GLIS3: variants seen among roughly 807,000 people sequenced by gnomAD.
GLIS3 encodes zinc finger protein GLIS3.
In GLIS3, 53 loss-of-function variants were observed where a neutral mutation model predicts 78.6. That is an observed-to-expected ratio of 0.67 (90% CI 0.54 to 0.85). GLIS3 has a LOEUF of 0.85. Among genes scored for constraint, GLIS3 ranks in the 40% least tolerant of loss-of-function variants. The probability of loss-of-function intolerance (pLI) is 0.00; values close to 1 mark genes in which losing one functional copy is unlikely to be tolerated. For synonymous variants in GLIS3, 684 were observed against 509.9 expected, an observed-to-expected ratio of 1.34 and a Z score of -4.60; for missense variants, 1,703 against 1,231.1, an observed-to-expected ratio of 1.38 and a Z score of -5.74.
At chr9:3,878,185 T>C (rs1023870047) in intron 8 of GLIS3, among the ~76,000 whole-genome samples, 2 of 152,060 alleles carry the variant, frequency 1.3e-5, no homozygotes, top group African/African-American at 4.8e-5. Flanking sequence ...TCACTGTGTC[T>C]TTCTTTCCCT....
the GLIS3 span, among the ~76,000 whole-genome samples, chr9:4,475,299 A>G: frequency 2.0e-5 from 3 of 152,238 alleles, no homozygotes; most frequent in Non-Finnish European, 2.9e-5. Flanking sequence ...GAGGCTGAAC[A>G]GATGCTTCAC....
At chr9:4,256,240 A>G (rs1824927188) in intron 2 of GLIS3, among the ~76,000 whole-genome samples, 1 of 152,198 alleles carries the variant, frequency 6.6e-6, no homozygotes, top group South Asian at 2.1e-4. Flanking sequence ...TTGGGGGAAC[A>G]CTGTGCAAAA....
In GLIS3 at chr9:4,125,960, G is replaced by A. The variant is rs367913023; in HGVS notation, c.389-19C>T. The A allele has an allele frequency of 3.8e-4, 602 of 1,596,542 alleles. 2 individuals carry two copies. Among genetic ancestry groups the A allele is most frequent in the Non-Finnish European group, 8.5e-5 (99 of 1,164,444 alleles). On this transcript the variant is annotated intron_variant, in intron 2 of 10. Coordinates refer to ENST00000381971, the MANE Select transcript of GLIS3 (RefSeq NM_001042413.2). ...AGAGCCCCTAAAAACAAATGAATCA[G>A]GTTAGCTTTCATGTCCCTTACATCA...
chr9:4,214,764 T>C (rs1006369852), intron 2 of GLIS3, among the ~76,000 whole-genome samples: 1 of 152,244 alleles, frequency 6.6e-6, no homozygotes, highest in African/African-American at 2.4e-5. Flanking sequence ...CTACTGTGGC[T>C]TGTTACACCA....
chr9:3,841,493 C>A (rs907696934), intron 9 of GLIS3, among the ~76,000 whole-genome samples: 1 of 152,142 alleles, frequency 6.6e-6, no homozygotes. Context: ...GAATCCTCAA[C>A]GTGGGAAGGA....
At chr9:4,070,188 G>A (rs761177140) in intron 4 of GLIS3, among the ~76,000 whole-genome samples, 1 of 152,114 alleles carries the variant, frequency 6.6e-6, no homozygotes, top group Non-Finnish European at 1.5e-5. Flanking sequence ...TTATAGAATA[G>A]TATTTCCGAT....
At chr9:4,284,438 T>C (rs1827809603) in intron 2 of GLIS3, among the ~76,000 whole-genome samples, 1 of 152,116 alleles carries the variant, frequency 6.6e-6, no homozygotes, top group Non-Finnish European at 1.5e-5. Context: ...AACACCTAAA[T>C]TTAACAGGAG....
At chr9:4,145,235 G>C (rs537249079) in intron 2 of GLIS3, 1 of 152,118 alleles carries the variant, frequency 6.6e-6, no homozygotes, top group Non-Finnish European at 1.5e-5. Flanking sequence ...ACTGATCCAG[G>C]ATCAGCCTAC....
chr9:3,865,735 T>C (rs1031269210), intron 8 of GLIS3, among the ~76,000 whole-genome samples: 2 of 152,202 alleles, frequency 1.3e-5, no homozygotes, highest in Non-Finnish European at 2.9e-5. Flanking sequence ...TGAGGTGGAT[T>C]TGTTTGGAAT....
chr9:4,015,322 C>CT (rs1476798931), intron 4 of GLIS3, among the ~76,000 whole-genome samples: 1 of 152,114 alleles, frequency 6.6e-6, no homozygotes, highest in Non-Finnish European at 1.5e-5. Context: ...TCTACACTGC[C>CT]TTTCCTGGAA....
At chr9:4,114,953 G>C (rs528819096) in intron 4 of GLIS3, among the ~76,000 whole-genome samples, 19 of 152,170 alleles carry the variant, frequency 1.2e-4, no homozygotes, top group Non-Finnish European at 2.6e-4. Context: ...TGAATCCCAG[G>C]GTTCTGATAA....
chr9:4,081,298 C>T (rs1037486505), intron 4 of GLIS3: 1 of 152,242 alleles, frequency 6.6e-6, no homozygotes, highest in African/African-American at 2.4e-5. Context: ...GTCCTCACCA[C>T]ATTAACCCTT....
At chr9:4,367,348 C>T in the GLIS3 span, among the ~76,000 whole-genome samples, 1 of 152,126 alleles carries the variant, frequency 6.6e-6, no homozygotes, top group Non-Finnish European at 1.5e-5. Flanking sequence ...TTCACCCCAT[C>T]TAATCTGTCT....
At chr9:4,374,862 T>G in the GLIS3 span, among the ~76,000 whole-genome samples, 1 of 152,260 alleles carries the variant, frequency 6.6e-6, no homozygotes, top group African/African-American at 2.4e-5. Flanking sequence ...GTGCACACAA[T>G]TGAATATACT....
intron 4 of GLIS3, among the ~76,000 whole-genome samples, chr9:4,040,288 A>AAAAAAAC: frequency 6.7e-6 from 1 of 148,560 alleles, no homozygotes; most frequent in East Asian, 2.2e-4. Context: ...TCACAAGGTA[A>AAAAAAAC]AAAAAACAAA....
chr9:3,841,295 T>A (rs779610453), intron 9 of GLIS3, among the ~76,000 whole-genome samples: 1 of 152,174 alleles, frequency 6.6e-6, no homozygotes, highest in Non-Finnish European at 1.5e-5. Flanking sequence ...TGAGTCCTGA[T>A]GGTGATAATG....
chr9:4,358,068 C>A, the GLIS3 span, among the ~76,000 whole-genome samples: 1 of 152,042 alleles, frequency 6.6e-6, no homozygotes, highest in African/African-American at 2.4e-5. Context: ...AAAGCAAGGA[C>A]AAGGGCAGAA....
In GLIS3 at chr9:3,835,999, A is replaced by T. The variant is rs539831527; in HGVS notation, c.2474-6507T>A. ...GACAATAGAAAATTTTCTTTACGGG[A>T]TACATAGAGATGTAATTCTCTTTTC... On this transcript the variant is annotated intron_variant, in intron 9 of 10. Coordinates refer to ENST00000381971, the MANE Select transcript of GLIS3 (RefSeq NM_001042413.2). Among the ~76,000 whole-genome samples the T allele has an allele frequency of 3.7e-4, 56 of 152,346 alleles. 2 individuals are homozygous for T. The South Asian group carries it at 0.011, about 30-fold the overall frequency.
At chr9:4,025,754 A>T (rs904626487) in intron 4 of GLIS3, among the ~76,000 whole-genome samples, 2 of 152,176 alleles carry the variant, frequency 1.3e-5, no homozygotes, top group Admixed American at 1.3e-4. Flanking sequence ...AATTTTAAGG[A>T]CAGAGGATAG....
Sources: gnomAD v4.1 joint callset for allele counts (sites outside exome capture counted in the v4.1 genomes callset) on GRCh38, gnomAD v4.1.1 for gene constraint, MANE v1.5 for transcripts, NCBI Gene and HGNC (gene_info 2026-07-23, HGNC 2026-07-21) for gene names.